The following SLC14A2 variants were observed in gnomAD, a reference collection of about 807,000 sequenced individuals.
The protein encoded by SLC14A2 is solute carrier family 14 member 2.
A neutral mutation model predicts 104.6 loss-of-function variants in SLC14A2; 91 were observed. That is an observed-to-expected ratio of 0.87 (90% confidence interval 0.73 to 1.04). SLC14A2 has a LOEUF of 1.04. Ranked by LOEUF, SLC14A2 falls within the 50% of genes least tolerant of loss-of-function variation. The probability of loss-of-function intolerance (pLI) is 0.00; values close to 1 mark genes in which losing one functional copy is unlikely to be tolerated. For missense variants in SLC14A2, 1,189 were observed against 1,156.0 expected, an observed-to-expected ratio of 1.03 and a Z score of -0.41; for synonymous variants, 476 against 466.4, an observed-to-expected ratio of 1.02 and a Z score of -0.27.
At chr18:45,397,473 G>C (rs897982481) in intron 1 of SLC14A2, among the ~76,000 whole-genome samples, 2 of 152,146 alleles carry the variant, frequency 1.3e-5, no homozygotes, top group African/African-American at 2.4e-5. Context: ...CCTTTGAAAA[G>C]TGTCTGTTCA....
rs1000520846 is a variant in SLC14A2, at chr18:45,547,307, T to C, written c.-35+63985T>C. The stretch of plus-strand genomic sequence containing the variant: ...TTAACAAGTCCTCTCAGGGAAAATT[T>C]TTTCAGGGTCATTTAAAGCCTGACA... On this transcript the variant is annotated intron_variant, in intron 2 of 20. Transcript: ENST00000586448. 2.6e-5 allele frequency among the ~76,000 whole-genome samples: 4 copies of C among 152,206 alleles called. No individual in the cohort carries two copies. The East Asian group carries it at 7.7e-4, about 29-fold the overall frequency.
chr18:45,600,843 G>T (rs2044779727), intron 2 of SLC14A2, among the ~76,000 whole-genome samples: 1 of 152,198 alleles, frequency 6.6e-6, no homozygotes. Context: ...GAATTATTGT[G>T]AATTTCAAGA....
chr18:45,667,565 G>A (rs566145382), intron 13 of SLC14A2, among the ~76,000 whole-genome samples: 1 of 152,068 alleles, frequency 6.6e-6, no homozygotes, highest in Non-Finnish European at 1.5e-5. Context: ...CACCACAGGG[G>A]TCAGAGGCAG....
chr18:45,243,642 T>A (rs1003341485), intron 1 of SLC14A2, among the ~76,000 whole-genome samples: 1 of 152,228 alleles, frequency 6.6e-6, no homozygotes, highest in African/African-American at 2.4e-5. Flanking sequence ...TTTTGAGTCA[T>A]CTTTAGGAAA....
At chr18:45,194,550 T>C in the SLC14A2 span, among the ~76,000 whole-genome samples, 2 of 152,130 alleles carry the variant, frequency 1.3e-5, no homozygotes, top group African/African-American at 2.4e-5. Flanking sequence ...CTCCATTTGG[T>C]CATGAAATAG....
chr18:45,659,172 G>C (rs1399742102), intron 10 of SLC14A2, among the ~76,000 whole-genome samples: 1 of 152,222 alleles, frequency 6.6e-6, no homozygotes, highest in Non-Finnish European at 1.5e-5. Flanking sequence ...AACTGCCCAA[G>C]AGAGCCACCC....
chr18:45,374,955 ACG>A (rs1289665027), intron 1 of SLC14A2, among the ~76,000 whole-genome samples: 2 of 152,184 alleles, frequency 1.3e-5, no homozygotes, highest in African/African-American at 4.8e-5. Flanking sequence ...AGACTCTTGA[ACG>A]CACATGCATA....
intron 1 of SLC14A2, among the ~76,000 whole-genome samples, chr18:45,226,603 G>A (rs1470822286): frequency 6.7e-6 from 1 of 149,642 alleles, no homozygotes; most frequent in Non-Finnish European, 1.5e-5. Flanking sequence ...CTCACTCATA[G>A]GTGGGAATTG....
At chr18:45,363,777 G>C (rs2085639161) in intron 1 of SLC14A2, among the ~76,000 whole-genome samples, 1 of 152,134 alleles carries the variant, frequency 6.6e-6, no homozygotes, top group South Asian at 2.1e-4. Context: ...TCGGGCAGCT[G>C]TGGAGGATGG....
At chr18:45,546,441 C>A (rs934355743) in intron 2 of SLC14A2, among the ~76,000 whole-genome samples, 6 of 152,216 alleles carry the variant, frequency 3.9e-5, no homozygotes, top group Non-Finnish European at 8.8e-5. Flanking sequence ...GAAATTGAAT[C>A]TCTAGAGACA....
At chr18:45,432,320 T>C (rs1436853373) in intron 1 of SLC14A2, among the ~76,000 whole-genome samples, 4 of 152,122 alleles carry the variant, frequency 2.6e-5, no homozygotes, top group Non-Finnish European at 5.9e-5. Context: ...GGTGACCGAA[T>C]AAAGCTTCTG....
In SLC14A2 at chr18:45,214,950, GA is replaced by G. The variant is rs1174565048; in HGVS notation, c.-125+1767del. Among the ~76,000 whole-genome samples the G allele has an allele frequency of 4.2e-5, 6 of 142,424 alleles. 1 individual carries two copies. The South Asian group carries it at 6.8e-4, about 16-fold the overall frequency. 93.4% of individuals were successfully genotyped at this position (142,424 alleles called of 152,430 possible). A position where few individuals can be genotyped will look rare whatever the true frequency, so the allele number is the denominator to read the frequency against. On this transcript the variant is annotated intron_variant, in intron 1 of 20. Transcript: ENST00000586448. ...AAAAAAAAAAAGAAAAGAAATAAAA[GA>G]AAAAAAAGATACCTAATAGCTTATA...
chr18:45,326,503 A>T (rs2085236021), intron 1 of SLC14A2, among the ~76,000 whole-genome samples: 1 of 152,194 alleles, frequency 6.6e-6, no homozygotes, highest in African/African-American at 2.4e-5. Context: ...GAGAGGAGCA[A>T]AAGTGCTTCT....
chr18:45,270,731 T>A (rs1434049387), intron 1 of SLC14A2, among the ~76,000 whole-genome samples: 2 of 152,146 alleles, frequency 1.3e-5, no homozygotes, highest in African/African-American at 4.8e-5. Context: ...GATATTTCTA[T>A]GAGATCTTAA....
chr18:45,376,286 TC>T (rs1179532393), intron 1 of SLC14A2, among the ~76,000 whole-genome samples: 2 of 152,200 alleles, frequency 1.3e-5, no homozygotes, highest in Non-Finnish European at 2.9e-5. Context: ...ATTGTGAAGG[TC>T]CTGAGCACCT....
chr18:45,475,648 T>TATATATATATATATATATATATTTAGG (rs2087354617), intron 1 of SLC14A2, among the ~76,000 whole-genome samples: 2 of 12,022 alleles, frequency 1.7e-4, no homozygotes, highest in Non-Finnish European at 3.1e-4. Context: ...TTAGGATATA[T>TATATATATATATATATATATATTTAGG]ATATATATAT....
In SLC14A2 at chr18:45,396,578, G is replaced by A. The variant is rs147010170; in HGVS notation, c.-124-86655G>A. On this transcript the variant is annotated intron_variant, in intron 1 of 20. Transcript: ENST00000586448. ...TGTTTCTTTATTTGTAGAGGTATTC[G>A]AGTGTGAAAGTAATGAATACAGCTT... Among the ~76,000 whole-genome samples, 461 of 150,000 alleles carry A rather than the reference G, an allele frequency of 3.1e-3. 3 individuals carry two copies. Among genetic ancestry groups the A allele is most frequent in the African/African-American group, 0.011 (438 of 40,906 alleles).
intron 2 of SLC14A2, among the ~76,000 whole-genome samples, chr18:45,496,268 T>TTTCAACAGA (rs2043096208): frequency 6.6e-6 from 1 of 152,170 alleles, no homozygotes; most frequent in Non-Finnish European, 1.5e-5. Flanking sequence ...TTTCCAAGTG[T>TTTCAACAGA]GATGGTTAAT....
intron 1 of SLC14A2, among the ~76,000 whole-genome samples, chr18:45,355,986 G>A (rs1460595572): frequency 1.3e-5 from 2 of 152,140 alleles, no homozygotes; most frequent in Non-Finnish European, 2.9e-5. Flanking sequence ...AACATAACTG[G>A]GGCAGGGGTT....
Sources: allele counts gnomAD v4.1 joint callset (sites outside exome capture counted in the v4.1 genomes callset), GRCh38; gene constraint gnomAD v4.1.1; transcripts MANE v1.5; gene names NCBI Gene and HGNC (gene_info 2026-07-23, HGNC 2026-07-21).